Variants in PLEC observed in about 807,000 individuals in gnomAD.
PLEC encodes the protein plectin, also known as hemidesmosomal protein 1.
PLEC carries 216 observed loss-of-function variants against 392.8 expected under a neutral mutation model. The observed-to-expected ratio is 0.55, with a 90% CI of 0.49 to 0.62. The LOEUF is 0.62. PLEC is among the 20% of genes least tolerant of loss of function. The probability of loss-of-function intolerance (pLI) is 0.00; values close to 1 mark genes in which losing one functional copy is unlikely to be tolerated. For synonymous variants in PLEC, 3,621 were observed against 2,980.6 expected (o/e 1.21, Z -7.00); for missense variants, 6,863 against 6,563.4 (o/e 1.05, Z -1.58).
upstream of PLEC, among the ~76,000 whole-genome samples, chr8:143,952,220 A>ACACACGCG (rs782520190): frequency 0.011 from 1,523 of 139,804 alleles, 20 homozygotes; most frequent in South Asian, 0.035. Context: ...GCGCGCACAC[A>ACACACGCG]CGCACGCGCA....
At chr8:143,937,891 C>A in intron 3 of PLEC, 4 of 635,764 alleles carry the variant, frequency 6.3e-6, no homozygotes, top group Non-Finnish European at 1.2e-5. Flanking sequence ...TGTGTCCCGA[C>A]GCGGAGGGCG....
chr8:143,943,509 C>T (rs1345365068), upstream of PLEC, among the ~76,000 whole-genome samples: 2 of 152,236 alleles, frequency 1.3e-5, no homozygotes, highest in Non-Finnish European at 2.9e-5. Flanking sequence ...GGCCTCCCTT[C>T]GTGTGGGGGA....
rs781887510 is a variant in PLEC, at chr8:143,924,300, G to A, written c.5629C>T (p.Arg1877Trp). ...GCGGCCTGCTCCTCCAGCCGCCGCC[G>A]CTGGAAGGCCTCGTCCTCCGCCAGC... ...RRLAEDEAFQ[R>W]RRLEEQAAQH... The change falls in exon 31 of 32, where the codon CGG (arginine) becomes TGG (tryptophan). Residue 1877 changes from arginine (R) to tryptophan (W), a missense_variant. Arg to Trp is a moderately radical substitution (Grantham distance 101). Transcript: ENST00000345136. 1.0e-5 allele frequency: 16 copies of A among 1,595,092 alleles called. No homozygotes were observed. The highest frequency in any genetic ancestry group is 2.7e-5 in the African/African-American group (2 of 74,772).
At chr8:143,942,450 C>G, upstream of PLEC, 1 of 1,602,694 alleles carries the variant, frequency 6.2e-7, no homozygotes, top group Non-Finnish European at 8.5e-7. Flanking sequence ...AGCCCCCGTC[C>G]AGCCAGCACG....
chr8:143,942,300 G>A, upstream of PLEC: 1 of 1,499,244 alleles, frequency 6.7e-7, no homozygotes, highest in African/African-American at 1.4e-5. Context: ...CCCCATCCCA[G>A]CCCAGGCGGC....
intron 5 of PLEC, among the ~76,000 whole-genome samples, chr8:143,936,294 G>A (rs1252312589): frequency 1.3e-5 from 2 of 152,192 alleles, no homozygotes; most frequent in East Asian, 1.9e-4. Context: ...CACAGCAGGT[G>A]CCCACTCCCC....
At chr8:143,966,614 A>C (rs1329261700) in intron 1 of PLEC, among the ~76,000 whole-genome samples, 1 of 152,144 alleles carries the variant, frequency 6.6e-6, no homozygotes, top group Admixed American at 6.5e-5. Flanking sequence ...CGCTTGTTTC[A>C]AGCCACACCT....
rs201595670 is a variant in PLEC at position 143,918,990 on chromosome 8, C to A, written c.10831G>T (p.Gly3611Cys). The stretch of plus-strand genomic sequence containing the variant: ...ATCATGCGTTCCTTGGTCACCCGGC[C>A]GGCCTGGAAGTCAGCCATCAGCTGG... ...RAQLMADFQA[G>C]RVTKERMIII... The change falls in exon 32 of 32, where the codon GGC becomes TGC. Residue 3611 changes from glycine (G) to cysteine (C), a missense_variant. By Grantham distance (159) the Gly-to-Cys change is radical. Coordinates refer to ENST00000345136, the MANE Select transcript of PLEC (RefSeq NM_201384.3). The A allele has an allele frequency of 1.9e-6, 3 of 1,611,232 alleles. No homozygotes were observed. Among genetic ancestry groups the A allele is most frequent in the Non-Finnish European group, 2.5e-6 (3 of 1,180,024 alleles).
intron 5 of PLEC, 50 bp from the exon 6 acceptor site, chr8:143,936,064 GCT>G: frequency 6.3e-7 from 1 of 1,598,154 alleles, no homozygotes; most frequent in Non-Finnish European, 8.5e-7. Context: ...CACCAGGCCT[GCT>G]CTGTGCCCAC....
chr8:143,950,878 C>T (rs1300897073), upstream of PLEC: 63 of 1,354,756 alleles, frequency 4.7e-5, no homozygotes, highest in Non-Finnish European at 6.0e-5. Flanking sequence ...CGCGGGCTCC[C>T]GGCTGTGTGG....
intron 11 of PLEC, 73 bp from the exon 12 acceptor site, chr8:143,934,164 CCTCCCGCTCCGGT>C (rs1207098577): frequency 3.8e-6 from 6 of 1,588,140 alleles, no homozygotes; most frequent in African/African-American, 2.7e-5. Context: ...CTGCAGCTCG[CCTCCCGCTCCGGT>C]CTCCCTGGCT....
chr8:143,919,153 C>T lies in PLEC; in HGVS notation c.10668G>A (p.Gln3556=). Reference sequence around the variant, plus strand: ...TTCTTGTCTCCTCCTCAGTGTACACCTGCGTGGTCTCCACCACCTCAGCCT... The same window carrying T: ...TTCTTGTCTCCTCCTCAGTGTACACTTGCGTGGTCTCCACCACCTCAGCCT... The part of the protein sequence containing the change: ...AEKAEVVETT[Q]VYTEEETRRA... The change falls in exon 32 of 32, where the codon CAG becomes CAA. Residue 3556 remains glutamine (Q), a synonymous_variant. Coordinates refer to ENST00000345136, the MANE Select transcript of PLEC (RefSeq NM_201384.3). The T allele has an allele frequency of 1.2e-6, 2 of 1,613,566 alleles. No homozygotes were observed. Among genetic ancestry groups the T allele is most frequent in the Non-Finnish European group, 1.7e-6 (2 of 1,180,024 alleles).
intron 1 of PLEC, chr8:143,950,126 C>A: frequency 6.9e-7 from 1 of 1,457,082 alleles, no homozygotes; most frequent in Admixed American, 2.7e-5. Context: ...GGCCCAAGAC[C>A]CGACAACCAG....
Position 143,915,818 on chromosome 8 carries a change from AG to A in PLEC, c.*358del, listed in dbSNP as rs1170730982. The A allele has an allele frequency of 5.4e-6, 1 of 184,858 alleles. No individual in the cohort carries two copies. The highest frequency in any genetic ancestry group is 2.4e-5 in the African/African-American group (1 of 41,828). The allele number at this position is 184,858 out of a possible 1,614,324, so 11.5% of individuals were successfully genotyped here. On this transcript the variant is annotated 3_prime_UTR_variant, in exon 32 of 32. Transcript: ENST00000345136. ...AGAAACACCAGGGCCCTCTACAGAC[AG>A]GGTTGGGCCCAGCTGCCCTGTGCAG... is the stretch of plus-strand genomic sequence containing the variant.
In PLEC at chr8:143,926,845, G is replaced by A. The variant is rs199716917; in HGVS notation, c.3983C>T (p.Thr1328Ile). The change falls in exon 30 of 32, where the codon ACA (threonine) becomes ATA (isoleucine). Residue 1328 changes from threonine to isoleucine, a missense_variant. Physicochemically the swap from Thr to Ile is moderately conservative, Grantham distance 89. Coordinates refer to ENST00000345136, the MANE Select transcript of PLEC (RefSeq NM_201384.3). ...GAACTTGATGTACTGGCTCGTCAGT[G>A]TGGTCAGCTCGCTGTAGTGCGTACG... ...DLRTHYSELT[T>I]LTSQYIKFIS... 4.3e-6 allele frequency: 7 copies of A among 1,613,620 alleles called. No individual in the cohort carries two copies. The highest frequency in any genetic ancestry group is 1.7e-4 in the Middle Eastern group (1 of 6,060).
At chr8:143,961,082 C>T (rs1832851090) in intron 1 of PLEC, among the ~76,000 whole-genome samples, 1 of 152,242 alleles carries the variant, frequency 6.6e-6, no homozygotes, top group Admixed American at 6.5e-5. Flanking sequence ...GTGGCTCTGA[C>T]AGACGCTTTC....
rs200575172 is a variant in PLEC, at chr8:143,917,431, C to A, written c.12390G>T (p.Thr4130=). The A allele has an allele frequency of 1.9e-6, 3 of 1,613,286 alleles. No homozygotes were observed. The highest frequency in any genetic ancestry group is 2.5e-6 in the Non-Finnish European group (3 of 1,180,018). ...PLKEKKRERK[T]SSKSSVRKRR... Reference sequence around the variant, plus strand: ...GCTTGCGCACGGAGGACTTGGAGGACGTCTTCCGCTCCCGCTTCTTCTCCT... The same window carrying A: ...GCTTGCGCACGGAGGACTTGGAGGAAGTCTTCCGCTCCCGCTTCTTCTCCT... Residue 4130 remains threonine (T), a synonymous_variant, in exon 32 of 32, where the codon ACG becomes ACT. Coordinates refer to ENST00000345136, the MANE Select transcript of PLEC (RefSeq NM_201384.3).
Position 143,918,513 on chromosome 8 carries a change from CG to C in PLEC, c.11307del (p.Gly3770AlafsTer17). ...TGCTCGGTGTAGGGGTCACGGTAGCCGGTGACCGCCCGCTCAGCCGAGAGCA... is the reference window on the plus strand; with the variant it reads ...TGCTCGGTGTAGGGGTCACGGTAGCCGTGACCGCCCGCTCAGCCGAGAGCA... ...DRLLSAERAVTGYRDPYTEQT... is the reference protein window; with the variant it reads ...DRLLSAERAVXGYRDPYTEQT... On this transcript the variant is annotated frameshift_variant, in exon 32 of 32. Transcript: ENST00000345136. LOFTEE classifies it high-confidence loss of function. 6.2e-7 allele frequency: 1 copy of C among 1,606,350 alleles called. No individual in the cohort carries two copies. Among genetic ancestry groups the C allele is most frequent in the Non-Finnish European group, 8.5e-7 (1 of 1,177,582 alleles).
Position 143,918,207 on chromosome 8 carries a change from GGCCGGTGCCGTCGTCA to G in PLEC, c.11598_11613del (p.Asp3867SerfsTer12), listed in dbSNP as rs1821207475. 6.3e-7 allele frequency: 1 copy of G among 1,582,044 alleles called. No homozygotes were observed. The highest frequency in any genetic ancestry group is 1.3e-5 in the African/African-American group (1 of 74,198). On this transcript the variant is annotated frameshift_variant, in exon 32 of 32. Coordinates refer to ENST00000345136, the MANE Select transcript of PLEC (RefSeq NM_201384.3). LOFTEE classifies it high-confidence loss of function. ...GCGTCCGACAGTGGCAGGAGCAGCT[GGCCGGTGCCGTCGTCA>G]CGACGGCACCGCCTGAGCAGCTGCG...
Sources: allele counts gnomAD v4.1 joint callset (sites outside exome capture counted in the v4.1 genomes callset), GRCh38; gene constraint gnomAD v4.1.1; transcripts MANE v1.5; gene names NCBI Gene and HGNC (gene_info 2026-07-23, HGNC 2026-07-21).